TMCO5A: variants seen among roughly 807,000 people sequenced by gnomAD.
TMCO5A encodes the protein transmembrane and coiled-coil domain-containing protein 5A.
TMCO5A carries 34 observed loss-of-function variants against 42.3 expected under a neutral mutation model. That is an observed-to-expected ratio of 0.80 (90% CI 0.61 to 1.07). The LOEUF is 1.07. Ranked by LOEUF, TMCO5A falls within the 50% of genes least tolerant of loss-of-function variation. The pLI, the probability that TMCO5A is intolerant of heterozygous loss-of-function variation, is 0.00. For missense variants in TMCO5A, 357 were observed against 327.9 expected (o/e 1.09, Z -0.69); for synonymous variants, 131 against 115.6 (o/e 1.13, Z -0.86).
the TMCO5A span, among the ~76,000 whole-genome samples, chr15:38,033,848 A>T: frequency 6.6e-6 from 1 of 152,046 alleles, no homozygotes; most frequent in African/African-American, 2.4e-5. Flanking sequence ...TCCTGACCTC[A>T]AGTGATCCAC....
the TMCO5A span, among the ~76,000 whole-genome samples, chr15:37,993,777 G>A: frequency 1.3e-5 from 2 of 152,082 alleles, no homozygotes; most frequent in Admixed American, 6.5e-5. Flanking sequence ...ATTTATGAAG[G>A]ACAGGGCTTT....
At chr15:37,944,139 T>C (rs947157917) in intron 10 of TMCO5A, 1 of 152,162 alleles carries the variant, frequency 6.6e-6, no homozygotes, top group East Asian at 1.9e-4. Context: ...AAACACTTCC[T>C]TAAAAGCAAA....
At chr15:37,962,095 G>C (rs935973007) in intron 11 of TMCO5A, among the ~76,000 whole-genome samples, 3 of 152,060 alleles carry the variant, frequency 2.0e-5, no homozygotes, top group African/African-American at 7.2e-5. Context: ...AGTAGTGAGA[G>C]TGGGCATCCT....
At chr15:37,958,522 A>AATCAAAACCACAATGAGATACCATCTCAC (rs1232051081) in intron 11 of TMCO5A, among the ~76,000 whole-genome samples, 19 of 152,320 alleles carry the variant, frequency 1.2e-4, no homozygotes, top group African/African-American at 4.1e-4. Context: ...GAGAAATGCA[A>AATCAAAACCACAATGAGATACCATCTCAC]ATCAAAACCA....
the TMCO5A span, among the ~76,000 whole-genome samples, chr15:38,031,547 T>G: frequency 6.6e-6 from 1 of 152,132 alleles, no homozygotes; most frequent in Admixed American, 6.5e-5. Flanking sequence ...GAGAGACCCA[T>G]GTGGTGAGGA....
the TMCO5A span, among the ~76,000 whole-genome samples, chr15:38,031,741 A>G: frequency 1.3e-5 from 2 of 152,178 alleles, no homozygotes. Context: ...CCACTCCAGA[A>G]TAGCTGACTC....
At chr15:38,039,558 T>C in the TMCO5A span, among the ~76,000 whole-genome samples, 1 of 152,180 alleles carries the variant, frequency 6.6e-6, no homozygotes, top group East Asian at 1.9e-4. Flanking sequence ...TGGAACTCTG[T>C]TTCTTACTTC....
chr15:37,965,940 G>A (rs544532064), intron 11 of TMCO5A, among the ~76,000 whole-genome samples: 1 of 152,176 alleles, frequency 6.6e-6, no homozygotes, highest in African/African-American at 2.4e-5. Context: ...GTACATTGAA[G>A]AGCTATCTAC....
At chr15:37,947,753 T>A in intron 11 of TMCO5A, 57 bp downstream of exon 11, 1 of 1,211,828 alleles carries the variant, frequency 8.3e-7, no homozygotes, top group Non-Finnish European at 1.2e-6. Flanking sequence ...TATTTAGCTA[T>A]TCGGGCAGAG....
chr15:37,994,419 T>G, the TMCO5A span: 1 of 152,286 alleles, frequency 6.6e-6, no homozygotes, highest in Non-Finnish European at 1.5e-5. Flanking sequence ...ACTGTTCTCA[T>G]GGCTTTTTAC....
chr15:38,017,562 G>C, the TMCO5A span, among the ~76,000 whole-genome samples: 1 of 152,108 alleles, frequency 6.6e-6, no homozygotes, highest in Non-Finnish European at 1.5e-5. Flanking sequence ...TACAGGAAAG[G>C]CTTTTAAAGC....
chr15:37,990,804 A>T, the TMCO5A span, among the ~76,000 whole-genome samples: 1 of 151,878 alleles, frequency 6.6e-6, no homozygotes, highest in South Asian at 2.1e-4. Context: ...AGCCATTTTT[A>T]TGATTACTAT....
chr15:38,015,461 A>G, the TMCO5A span, among the ~76,000 whole-genome samples: 1 of 152,206 alleles, frequency 6.6e-6, no homozygotes, highest in South Asian at 2.1e-4. Flanking sequence ...GGGAATGCAG[A>G]ATGGTACAGC....
At chr15:37,955,884 TAACA>T (rs371657857), downstream of TMCO5A, among the ~76,000 whole-genome samples, 82 of 152,202 alleles carry the variant, frequency 5.4e-4, no homozygotes, top group East Asian at 0.014. Context: ...ATGGAAATCA[TAACA>T]AACAGCCTCT....
intron 11 of TMCO5A, among the ~76,000 whole-genome samples, chr15:37,960,176 C>T (rs1422460291): frequency 6.6e-6 from 1 of 151,708 alleles, no homozygotes; most frequent in Non-Finnish European, 1.5e-5. Context: ...ATTTTTGTCC[C>T]TCACCCCCTA....
chr15:37,986,442 A>G, the TMCO5A span, among the ~76,000 whole-genome samples: 1 of 144,878 alleles, frequency 6.9e-6, no homozygotes, highest in Non-Finnish European at 1.5e-5. Context: ...AAGCATTTTT[A>G]TTGTGGTAAA....
At chr15:37,954,384 G>A (rs578128953), downstream of TMCO5A, among the ~76,000 whole-genome samples, 1 of 152,188 alleles carries the variant, frequency 6.6e-6, no homozygotes, top group African/African-American at 2.4e-5. Context: ...TTACAGACCA[G>A]GGGAGACTGC....
the TMCO5A span, among the ~76,000 whole-genome samples, chr15:37,976,810 T>C: frequency 1.3e-5 from 2 of 148,670 alleles, no homozygotes; most frequent in African/African-American, 2.5e-5. Flanking sequence ...TTTTTTTTTT[T>C]TTTGACAGAG....
At chr15:38,002,766 A>T in the TMCO5A span, among the ~76,000 whole-genome samples, 1 of 151,950 alleles carries the variant, frequency 6.6e-6, no homozygotes, top group African/African-American at 2.4e-5. Context: ...TCTCTGTGTT[A>T]TCTCAAATTT....
Sources: allele counts gnomAD v4.1 joint callset (sites outside exome capture counted in the v4.1 genomes callset), GRCh38; gene constraint gnomAD v4.1.1; transcripts MANE v1.5; gene names NCBI Gene and HGNC (gene_info 2026-07-23, HGNC 2026-07-21).